The following HADHB variants were observed in gnomAD, a reference collection of about 807,000 sequenced individuals.
HADHB encodes the protein trifunctional enzyme subunit beta, mitochondrial.
In HADHB, 50 loss-of-function variants were observed where a neutral mutation model predicts 61.9. The observed-to-expected ratio is 0.81, with a 90% CI of 0.64 to 1.02. The LOEUF (loss-of-function observed/expected upper bound fraction) is 1.02, where lower values mean the gene tolerates loss of function less well. Ranked by LOEUF, HADHB falls within the 50% of genes least tolerant of loss-of-function variation. HADHB has a pLI of 0.00. For synonymous variants in HADHB, 191 were observed against 201.6 expected (o/e 0.95, Z 0.45); for missense variants, 504 against 586.5 (o/e 0.86, Z 1.45).
chr2:26,276,746 A>T (rs1672545644), intron 6 of HADHB, among the ~76,000 whole-genome samples: 1 of 152,214 alleles, frequency 6.6e-6, no homozygotes, highest in Non-Finnish European at 1.5e-5. Context: ...TGAACATTAA[A>T]CAAGTTAAAA....
At chr2:26,274,789 A>G (rs1165522365) in intron 6 of HADHB, among the ~76,000 whole-genome samples, 1 of 152,198 alleles carries the variant, frequency 6.6e-6, no homozygotes, top group African/African-American at 2.4e-5. Flanking sequence ...AGAGCACTTA[A>G]GATGTAAATA....
intron 10 of HADHB, among the ~76,000 whole-genome samples, chr2:26,280,746 G>A (rs1246285757): frequency 6.6e-6 from 1 of 151,436 alleles, no homozygotes; most frequent in African/African-American, 2.4e-5. Context: ...CCGGCTACTC[G>A]GGAGGCTGAG....
chr2:26,287,544 A>G (rs1248804662), intron 15 of HADHB, among the ~76,000 whole-genome samples: 1 of 152,182 alleles, frequency 6.6e-6, no homozygotes, highest in African/African-American at 2.4e-5. Flanking sequence ...AAATAACACA[A>G]TACTGGATGC....
intron 3 of HADHB, chr2:26,260,948 A>G: frequency 3.8e-6 from 4 of 1,051,186 alleles, no homozygotes; most frequent in Non-Finnish European, 5.6e-6. Context: ...AGCTTCAACT[A>G]ATTGGCATTT....
At position 26,254,221 on chromosome 2, in the gene HADHB, A is replaced by G. The variant is rs371951948; in HGVS notation, c.-8-26A>G. 16 of 1,001,124 alleles carry G rather than the reference A, an allele frequency of 1.6e-5. No individual in the cohort carries two copies. In the Admixed American group the frequency reaches 2.6e-4, roughly 16 times the overall value. The allele number at this position is 1,001,124 out of a possible 1,614,324, so 62.0% of individuals were successfully genotyped here. ...CTACAAATTGTTCAGCTAATCCAGG[A>G]TATACTTTTGTTCTTCTCTTTTTAG... On this transcript the variant is annotated intron_variant, in intron 1 of 15. Transcript: ENST00000317799.
At chr2:26,278,384 A>G (rs536070794) in intron 7 of HADHB, among the ~76,000 whole-genome samples, 1 of 152,366 alleles carries the variant, frequency 6.6e-6, no homozygotes, top group African/African-American at 2.4e-5. Context: ...TATTCCTAGA[A>G]GTTGACGTCC....
chr2:26,280,454 C>T (rs1434675694), intron 10 of HADHB, among the ~76,000 whole-genome samples: 2 of 152,188 alleles, frequency 1.3e-5, no homozygotes, highest in Non-Finnish European at 2.9e-5. Context: ...TTAGGTCGAA[C>T]CCCTGACCCA....
At chr2:26,289,801 T>C (rs1457944598) in intron 15 of HADHB, 117 bp from the exon 16 acceptor site, 2 of 795,310 alleles carry the variant, frequency 2.5e-6, no homozygotes, top group Non-Finnish European at 4.6e-6. Flanking sequence ...AGTGATTGAT[T>C]GGCAGAGCCA....
intron 4 of HADHB, among the ~76,000 whole-genome samples, chr2:26,264,658 A>C (rs769587269): frequency 6.6e-6 from 1 of 152,064 alleles, no homozygotes; most frequent in Non-Finnish European, 1.5e-5. Flanking sequence ...CACACACAAC[A>C]AAGGTTCATT....
At chr2:26,263,257 C>T in intron 3 of HADHB, 123 bp from the exon 4 acceptor site, 1 of 613,440 alleles carries the variant, frequency 1.6e-6, no homozygotes, top group Non-Finnish European at 2.9e-6. Context: ...CGAGATCACG[C>T]CATTGCACTC....
chr2:26,251,078 T>TTTTTTTTTTTTTTTTTTTTTTTTTTTGAG (rs1553317741), intron 1 of HADHB, among the ~76,000 whole-genome samples: 4 of 149,038 alleles, frequency 2.7e-5, no homozygotes, highest in Non-Finnish European at 3.0e-5. Context: ...ACTAAATTCT[T>TTTTTTTTTTTTTTTTTTTTTTTTTTTGAG]ACATACATGG....
At chr2:26,280,834 A>G (rs1294484252) in intron 10 of HADHB, among the ~76,000 whole-genome samples, 1 of 140,822 alleles carries the variant, frequency 7.1e-6, no homozygotes, top group African/African-American at 2.6e-5. Flanking sequence ...CAGCCTGCAC[A>G]AGAGCGAAAC....
chr2:26,276,968 A>C (rs945356274), intron 6 of HADHB, 105 bp from the exon 7 acceptor site: 1 of 741,944 alleles, frequency 1.3e-6, no homozygotes, highest in African/African-American at 1.7e-5. Context: ...GGAGAATGTT[A>C]AACTGAAACC....
intron 6 of HADHB, among the ~76,000 whole-genome samples, chr2:26,276,840 G>A (rs937217391): frequency 2.0e-5 from 3 of 152,142 alleles, no homozygotes; most frequent in African/African-American, 4.8e-5. Flanking sequence ...TCATAGCCTC[G>A]TGTCTGCACT....
intron 4 of HADHB, among the ~76,000 whole-genome samples, chr2:26,269,036 CTA>C (rs1672220797): frequency 6.6e-6 from 1 of 151,664 alleles, no homozygotes; most frequent in Admixed American, 6.6e-5. Flanking sequence ...GTAATCCCAG[CTA>C]TTCGGGAAGC....
chr2:26,271,191 G>A (rs1226475140), intron 5 of HADHB, among the ~76,000 whole-genome samples: 5 of 148,176 alleles, frequency 3.4e-5, no homozygotes, highest in East Asian at 2.1e-4. Context: ...CACTGCGCCC[G>A]GCCGATTCTT....
At chr2:26,258,179 T>C (rs1671708897) in intron 3 of HADHB, among the ~76,000 whole-genome samples, 1 of 152,128 alleles carries the variant, frequency 6.6e-6, no homozygotes, top group South Asian at 2.1e-4. Flanking sequence ...TTCAATACTT[T>C]TATGTACTGT....
intron 13 of HADHB, 95 bp downstream of exon 13, chr2:26,284,299 G>A (rs1467487476): frequency 1.2e-6 from 1 of 803,496 alleles, no homozygotes; most frequent in East Asian, 2.4e-5. Context: ...TATGATGTGA[G>A]TAGAGCAGGA....
chr2:26,285,810 T>C (rs1178766410), intron 15 of HADHB, among the ~76,000 whole-genome samples: 6 of 141,586 alleles, frequency 4.2e-5, no homozygotes, highest in Non-Finnish European at 9.2e-5. Context: ...ATATCTTAGC[T>C]CACTGCAACC....
Sources: gnomAD v4.1 joint callset for allele counts (sites outside exome capture counted in the v4.1 genomes callset) on GRCh38, gnomAD v4.1.1 for gene constraint, MANE v1.5 for transcripts, NCBI Gene and HGNC (gene_info 2026-07-23, HGNC 2026-07-21) for gene names.